Variants in CFDP1 observed in about 807,000 individuals in gnomAD.
CFDP1 encodes the protein chromatin remodeling protein CFDP1.
CFDP1 carries 31 observed loss-of-function variants against 40.1 expected under a neutral mutation model. The observed-to-expected ratio is 0.77, with a 90% confidence interval of 0.58 to 1.04. The LOEUF (loss-of-function observed/expected upper bound fraction) is 1.04. Ranked by LOEUF, CFDP1 falls within the 50% of genes least tolerant of loss-of-function variation. The probability of loss-of-function intolerance (pLI) is 0.00; values close to 1 mark genes in which losing one functional copy is unlikely to be tolerated. For synonymous variants in CFDP1, 167 were observed against 120.0 expected, an observed-to-expected ratio of 1.39 and a Z score of -2.56; for missense variants, 423 against 343.4, an observed-to-expected ratio of 1.23 and a Z score of -1.83.
chr16:75,400,646 T>C (rs2079043679), intron 4 of CFDP1, among the ~76,000 whole-genome samples: 2 of 152,142 alleles, frequency 1.3e-5, no homozygotes, highest in South Asian at 4.1e-4. Flanking sequence ...TCAAAAGGCA[T>C]GGCTGAAGTC....
chr16:75,378,396 G>C (rs1345097844), intron 5 of CFDP1, among the ~76,000 whole-genome samples: 1 of 151,956 alleles, frequency 6.6e-6, no homozygotes, highest in Non-Finnish European at 1.5e-5. Context: ...CACAAGCTAT[G>C]AAACCAAAAC....
intron 1 of CFDP1, among the ~76,000 whole-genome samples, chr16:75,421,735 C>T (rs1388397665): frequency 6.6e-6 from 1 of 152,140 alleles, no homozygotes; most frequent in African/African-American, 2.4e-5. Context: ...ACTAAAATCA[C>T]ACAAGGAAAT....
intron 5 of CFDP1, among the ~76,000 whole-genome samples, chr16:75,324,161 A>G (rs963070063): frequency 7.9e-5 from 12 of 152,176 alleles, no homozygotes; most frequent in African/African-American, 2.9e-4. Flanking sequence ...ACATTAGGAG[A>G]AAACCATTAC....
At chr16:75,398,825 C>T (rs1375284919) in intron 4 of CFDP1, among the ~76,000 whole-genome samples, 5 of 152,060 alleles carry the variant, frequency 3.3e-5, no homozygotes, top group South Asian at 2.1e-4. Flanking sequence ...GAGGCTGAGG[C>T]GGGCAGATCA....
chr16:75,416,463 TTA>T (rs1491424649), intron 1 of CFDP1, among the ~76,000 whole-genome samples: 13 of 107,774 alleles, frequency 1.2e-4, no homozygotes, highest in African/African-American at 3.3e-4. Flanking sequence ...TAAAAGAGAT[TTA>T]AAAAAAAAAA....
chr16:75,385,959 A>C (rs1448764955), intron 5 of CFDP1, among the ~76,000 whole-genome samples: 1 of 152,178 alleles, frequency 6.6e-6, no homozygotes, highest in Non-Finnish European at 1.5e-5. Context: ...AGAAGCACCT[A>C]AAGCATTTAA....
chr16:75,402,126 A>G (rs2079061050), intron 4 of CFDP1, among the ~76,000 whole-genome samples: 1 of 152,158 alleles, frequency 6.6e-6, no homozygotes, highest in African/African-American at 2.4e-5. Flanking sequence ...TGCCTAGAAC[A>G]ACTCCACTTT....
At chr16:75,394,260 G>C (rs538319361) in intron 5 of CFDP1, among the ~76,000 whole-genome samples, 17 of 152,140 alleles carry the variant, frequency 1.1e-4, no homozygotes, top group Admixed American at 1.1e-3. Flanking sequence ...ACAGTCTTAA[G>C]CCTCTCTGAT....
At chr16:75,367,582 T>C (rs2078723758) in intron 5 of CFDP1, among the ~76,000 whole-genome samples, 1 of 151,486 alleles carries the variant, frequency 6.6e-6, no homozygotes, top group Non-Finnish European at 1.5e-5. Context: ...CACCTGAGGA[T>C]AGGAGTTCAA....
rs1304247837 is a variant in CFDP1 at position 75,433,439 on chromosome 16, C to G, written c.-87G>C. On this transcript the variant is annotated 5_prime_UTR_variant, in exon 1 of 7. Transcript: ENST00000283882. ...GCTCTAGGGAGAGACCATAGAGCCC[C>G]GGCGGCGGCGACGGCAGCTAGGGCG... The G allele has an allele frequency of 5.9e-6, 8 of 1,359,694 alleles. No homozygotes were observed. The South Asian group carries it at 7.5e-5, about 13-fold the overall frequency. The allele number at this position is 1,359,694 out of a possible 1,614,324, so 84.2% of individuals were successfully genotyped here.
Position 75,314,446 on chromosome 16 carries a change from A to G in CFDP1, c.651-9264T>C, listed in dbSNP as rs545354154. Among the ~76,000 whole-genome samples, 3 of 152,276 alleles carry G rather than the reference A, an allele frequency of 2.0e-5. No individual in the cohort carries two copies. In the South Asian group the frequency reaches 6.2e-4, roughly 32 times the overall value. On this transcript the variant is annotated intron_variant, in intron 5 of 6. Coordinates refer to ENST00000283882, the MANE Select transcript of CFDP1 (RefSeq NM_006324.3). ...AACCTACGCAGACAGAAAGTAGATT[A>G]AGGGTTGCCAGAGTCAAGGAGAAAT...
At chr16:75,377,712 C>A (rs557765310) in intron 5 of CFDP1, among the ~76,000 whole-genome samples, 2 of 152,136 alleles carry the variant, frequency 1.3e-5, no homozygotes, top group Non-Finnish European at 2.9e-5. Context: ...TCAGAAAGGC[C>A]AACAGTTTGC....
At chr16:75,339,451 T>C (rs2078511393) in intron 5 of CFDP1, among the ~76,000 whole-genome samples, 1 of 152,020 alleles carries the variant, frequency 6.6e-6, no homozygotes. Context: ...GATCCTCCAA[T>C]GTGAGCTTTT....
At chr16:75,395,677 A>C (rs2078990691) in intron 4 of CFDP1, among the ~76,000 whole-genome samples, 1 of 152,146 alleles carries the variant, frequency 6.6e-6, no homozygotes, top group Non-Finnish European at 1.5e-5. Flanking sequence ...AAAAAAAATA[A>C]AAAAACATTT....
At chr16:75,373,764 C>A (rs571822654) in intron 5 of CFDP1, among the ~76,000 whole-genome samples, 7 of 152,222 alleles carry the variant, frequency 4.6e-5, no homozygotes, top group Middle Eastern at 3.4e-3. Flanking sequence ...GCCATTTTGT[C>A]CTTTACAAGG....
intron 5 of CFDP1, among the ~76,000 whole-genome samples, chr16:75,315,329 C>A (rs1164720730): frequency 3.6e-5 from 1 of 27,508 alleles, no homozygotes; most frequent in Non-Finnish European, 6.5e-5. Flanking sequence ...GAGACCCTAT[C>A]TCAAAAAAAA....
At chr16:75,361,602 G>T (rs1218047259) in intron 5 of CFDP1, among the ~76,000 whole-genome samples, 2 of 152,076 alleles carry the variant, frequency 1.3e-5, no homozygotes, top group Non-Finnish European at 2.9e-5. Context: ...GGGCAACAGA[G>T]CAAGACTATG....
In CFDP1 at chr16:75,334,215, C is replaced by G. The variant is rs1248228943; in HGVS notation, c.651-29033G>C. On this transcript the variant is annotated intron_variant, in intron 5 of 6. Coordinates refer to ENST00000283882, the MANE Select transcript of CFDP1 (RefSeq NM_006324.3). The stretch of plus-strand genomic sequence containing the variant: ...TCCTCGCAGCACCCTAACCCTAACC[C>G]TAACCCTAACCCTAACCCTAACCCT... Among the ~76,000 whole-genome samples, 5 of 152,032 alleles carry G rather than the reference C, an allele frequency of 3.3e-5. No homozygotes were observed. The East Asian group carries it at 7.7e-4, about 23-fold the overall frequency.
chr16:75,372,512 G>T (rs2078760357), intron 5 of CFDP1: 1 of 106,922 alleles, frequency 9.4e-6, no homozygotes, highest in Non-Finnish European at 2.3e-5. Context: ...AATCGAACCA[G>T]AACTAGAACT....
Sources: gnomAD v4.1 joint callset for allele counts (sites outside exome capture counted in the v4.1 genomes callset) on GRCh38, gnomAD v4.1.1 for gene constraint, MANE v1.5 for transcripts, NCBI Gene and HGNC (gene_info 2026-07-23, HGNC 2026-07-21) for gene names.